NEB: variants seen among roughly 807,000 people sequenced by gnomAD.
NEB encodes the protein nebulin.
In NEB, 512 loss-of-function variants were observed where a neutral mutation model predicts 952.2. The ratio of observed to expected loss-of-function variants is 0.54; its 90% CI spans 0.50 to 0.58. The LOEUF (loss-of-function observed/expected upper bound fraction) is 0.58, where lower values mean the gene tolerates loss of function less well. Among genes scored for constraint, NEB ranks in the 20% least tolerant of loss-of-function variants. NEB has a pLI of 0.00. For missense variants in NEB, 8,428 were observed against 9,231.1 expected, an observed-to-expected ratio of 0.91 and a Z score of 3.56; for synonymous variants, 2,900 against 3,149.8, an observed-to-expected ratio of 0.92 and a Z score of 2.66.
intron 176 of NEB, 52 bp downstream of exon 176, chr2:151,493,301 A>C: frequency 7.3e-7 from 1 of 1,371,756 alleles, no homozygotes; most frequent in South Asian, 1.2e-5. Flanking sequence ...TATGATGTTA[A>C]AATGTTATTT....
Position 151,548,426 on chromosome 2 carries a change from A to G in NEB, c.20050-11T>C. On this transcript the variant is annotated splice_polypyrimidine_tract_variant and intron_variant, in intron 130 of 181. Transcript: ENST00000397345. ...TTCTTTGTACTTGAACTGCAAAAGC[A>G]AAGTCAGAATGAGATCAATGATGGG... The G allele has an allele frequency of 6.4e-7, 1 of 1,564,006 alleles. No homozygotes were observed. The highest frequency in any genetic ancestry group is 8.8e-7 in the Non-Finnish European group (1 of 1,134,550).
At chr2:151,496,727 A>C (rs754862510) in intron 172 of NEB, among the ~76,000 whole-genome samples, 6 of 152,192 alleles carry the variant, frequency 3.9e-5, no homozygotes, top group Non-Finnish European at 8.8e-5. Context: ...TTAAAAAATG[A>C]TTGAAAATAT....
In NEB at chr2:151,614,390, C is replaced by G. The variant is rs1224560958; in HGVS notation, c.11487G>C (p.Lys3829Asn). 6 of 1,613,934 alleles carry G rather than the reference C, an allele frequency of 3.7e-6. No homozygotes were observed. The highest frequency in any genetic ancestry group is 5.1e-6 in the Non-Finnish European group (6 of 1,179,856). ...VDMLGVVLAK[K>N]CQILVSDIDY... ...CTATGTCGCTTACAAGGATCTGACA[C>G]TTCTTGGCCAGCACCACCCCCAGCA... The change falls in exon 77 of 182, where the codon AAG becomes AAC. Residue 3829 changes from lysine (K) to asparagine (N), a missense_variant. Physicochemically the swap from Lys to Asn is moderately conservative, Grantham distance 94. Coordinates refer to ENST00000397345, the MANE Select transcript of NEB (RefSeq NM_001164508.2).
At position 151,609,904 on chromosome 2, in the gene NEB, C is replaced by G; in HGVS notation, c.12235G>C (p.Asp4079His). The change falls in exon 81 of 182, where the codon GAC becomes CAC. Residue 4079 changes from aspartate to histidine, a missense_variant. Physicochemically the swap from Asp to His is moderately conservative, Grantham distance 81 (BLOSUM62 -1). Around this residue, in one of 11 missense-constraint regions of NEB, gnomAD observed 337 missense variants for 297.5 expected, o/e 1.13. Transcript: ENST00000397345. ...LAKKCQTLVT[D>H]IDYRNYLHEW... ...TGCAGGTAATTGCGATAATCAATGTCAGTGACCAAAGTCTGACATTTCTTG... is the reference window on the plus strand; with the variant it reads ...TGCAGGTAATTGCGATAATCAATGTGAGTGACCAAAGTCTGACATTTCTTG... 1 of 1,613,884 alleles carries G rather than the reference C, an allele frequency of 6.2e-7. No homozygotes were observed. The highest frequency in any genetic ancestry group is 2.2e-5 in the East Asian group (1 of 44,876).
At position 151,524,261 on chromosome 2, in the gene NEB, CTT is replaced by C. The variant is rs762289532; in HGVS notation, c.22479+48_22479+49del. ...TGGAAATCACTTCTTCCTGCAAGGTCTTTTATAATCTCCTCACATGAGAGCCA... is the reference window on the plus strand; with the variant it reads ...TGGAAATCACTTCTTCCTGCAAGGTCTTATAATCTCCTCACATGAGAGCCA... On this transcript the variant is annotated intron_variant, in intron 153 of 181. Coordinates refer to ENST00000397345, the MANE Select transcript of NEB (RefSeq NM_001164508.2). 5 of 1,482,068 alleles carry C rather than the reference CTT, an allele frequency of 3.4e-6. No homozygotes were observed. In the Admixed American group the frequency reaches 8.4e-5, roughly 25 times the overall value. The allele number at this position is 1,482,068 out of a possible 1,614,324, so 91.8% of individuals were successfully genotyped here. A position where few individuals can be genotyped will look rare whatever the true frequency, so the allele number is the denominator to read the frequency against.
Position 151,498,242 on chromosome 2 carries a change from CCT to C in NEB, c.24207+16_24207+17del. On this transcript the variant is annotated intron_variant, in intron 170 of 181. Transcript: ENST00000397345. ...TCTGAAGTTAAGTGGCATTTTTTCC[CCT>C]TTCTTTCCAAAATACCGAGCTAAGG... 1 of 1,550,706 alleles carries C rather than the reference CCT, an allele frequency of 6.4e-7. No individual in the cohort carries two copies. Among genetic ancestry groups the C allele is most frequent in the Non-Finnish European group, 8.7e-7 (1 of 1,146,258 alleles).
chr2:151,505,398 G>C, intron 165 of NEB, 80 bp downstream of exon 165: 2 of 1,196,232 alleles, frequency 1.7e-6, no homozygotes, highest in Non-Finnish European at 2.5e-6. Flanking sequence ...TTGATAGGAA[G>C]CAGAAAGATG....
chr2:151,614,842 T>C (rs1364554338), intron 76 of NEB, among the ~76,000 whole-genome samples: 1 of 152,146 alleles, frequency 6.6e-6, no homozygotes, highest in African/African-American at 2.4e-5. Context: ...TTTTCCTCCT[T>C]ATTATACCAC....
At chr2:151,733,883 G>A (rs1282814615) in intron 1 of NEB, 88 bp from the exon 2 acceptor site, 3 of 152,284 alleles carry the variant, frequency 2.0e-5, no homozygotes, top group African/African-American at 4.8e-5. Context: ...AGAAAACAGC[G>A]AAAGGATCTC....
intron 24 of NEB, chr2:151,689,480 C>T: frequency 6.6e-6 from 1 of 152,286 alleles, no homozygotes; most frequent in South Asian, 2.1e-4. Context: ...GCTGGGATCA[C>T]AGGCATGAGC....
intron 1 of NEB, 116 bp downstream of exon 1, chr2:151,734,282 A>G (rs2099816214): frequency 6.6e-6 from 1 of 152,228 alleles, no homozygotes; most frequent in Non-Finnish European, 1.5e-5. Flanking sequence ...TCTCCTAGCC[A>G]TATTTCTACC....
In NEB at chr2:151,502,836, G is replaced by A. The variant is rs2153103150; in HGVS notation, c.23885C>T (p.Pro7962Leu). The change falls in exon 167 of 182, where the codon CCA (proline) becomes CTA (leucine). Residue 7962 changes from proline (P) to leucine (L), a missense_variant. Transcript: ENST00000397345. Reference sequence around the variant, plus strand: ...ATTGCGTTTGACTCTCTCCATCTCTGGAGTGATAGGTGTTGGGATTCCTTT... The same window carrying A: ...ATTGCGTTTGACTCTCTCCATCTCTAGAGTGATAGGTGTTGGGATTCCTTT... Reference protein sequence around the residue: ...LGKGIPTPITPEMERVKRNQE... With the variant: ...LGKGIPTPITLEMERVKRNQE... The A allele has an allele frequency of 1.2e-6, 2 of 1,608,262 alleles. No individual in the cohort carries two copies. The highest frequency in any genetic ancestry group is 2.2e-5 in the East Asian group (1 of 44,746).
In NEB at chr2:151,655,921, T is replaced by C. The variant is rs1553462412; in HGVS notation, c.6598A>G (p.Ser2200Gly). 2 of 1,613,862 alleles carry C rather than the reference T, an allele frequency of 1.2e-6. No homozygotes were observed. Among genetic ancestry groups the C allele is most frequent in the Non-Finnish European group, 1.7e-6 (2 of 1,179,808 alleles). The change falls in exon 50 of 182, where the codon AGT becomes GGT. Residue 2200 changes from serine (S) to glycine (G), a missense_variant. Around this residue, in one of 11 missense-constraint regions of NEB, gnomAD observed 2,851 missense variants for 2,791.5 expected, o/e 1.02. Transcript: ENST00000397345. ...GGGTGCTGGCGGTATTTCTGATCACTGGCATATTCAGTTGCTTTCTTGGCC... is the reference window on the plus strand; with the variant it reads ...GGGTGCTGGCGGTATTTCTGATCACCGGCATATTCAGTTGCTTTCTTGGCC... ...EKAKKATEYA[S>G]DQKYRQHPSN...
intron 112 of NEB, 34 bp from the exon 113 acceptor site, chr2:151,568,212 G>T: frequency 1.2e-6 from 2 of 1,600,044 alleles, no homozygotes; most frequent in East Asian, 2.2e-5. Flanking sequence ...GGGTTAAAAT[G>T]AGGAGTCAGA....
chr2:151,495,662 T>TAA (rs1392841000), intron 173 of NEB, among the ~76,000 whole-genome samples: 1 of 151,392 alleles, frequency 6.6e-6, no homozygotes, highest in African/African-American at 2.4e-5. Context: ...ACAGTAAAAC[T>TAA]AAAGAACAAC....
intron 17 of NEB, among the ~76,000 whole-genome samples, chr2:151,696,353 C>G (rs145437130): frequency 7.2e-5 from 11 of 152,326 alleles, no homozygotes; most frequent in African/African-American, 2.6e-4. Flanking sequence ...ACCCAGACAT[C>G]AATGACAGAG....
At position 151,568,407 on chromosome 2, in the gene NEB, C is replaced by G. The variant is rs558345996; in HGVS notation, c.17645G>C (p.Arg5882Pro). ...TGATTTGGTGGCATTCCAGTCTTTCCGGTATTTAATCTAAAAAAAAAAAAA... is the reference window on the plus strand; with the variant it reads ...TGATTTGGTGGCATTCCAGTCTTTCGGGTATTTAATCTAAAAAAAAAAAAA... ...SGEILDDIKY[R>P]KDWNATKSKY... Residue 5882 changes from arginine to proline, a missense_variant, in exon 112 of 182, where the codon CGG (arginine) becomes CCG (proline). Transcript: ENST00000397345. 10 of 1,577,996 alleles carry G rather than the reference C, an allele frequency of 6.3e-6. No individual in the cohort carries two copies. The highest frequency in any genetic ancestry group is 7.7e-6 in the Non-Finnish European group (9 of 1,166,250).
intron 27 of NEB, among the ~76,000 whole-genome samples, chr2:151,685,730 A>G (rs578229327): frequency 8.5e-5 from 13 of 152,298 alleles, no homozygotes; most frequent in African/African-American, 2.6e-4. Flanking sequence ...GTTGGGTCAA[A>G]TTCCCAGCTT....
At position 151,498,397 on chromosome 2, in the gene NEB, G is replaced by A. The variant is rs1002989264; in HGVS notation, c.24115-45C>T. ...CCAGAACAAAAAAAGCAATCAATCAGTCATTTTCCCCCTGCTTTGGAGCAG... is the reference window on the plus strand; with the variant it reads ...CCAGAACAAAAAAAGCAATCAATCAATCATTTTCCCCCTGCTTTGGAGCAG... On this transcript the variant is annotated intron_variant, in intron 169 of 181. Coordinates refer to ENST00000397345, the MANE Select transcript of NEB (RefSeq NM_001164508.2). 4 of 1,393,714 alleles carry A rather than the reference G, an allele frequency of 2.9e-6. No individual in the cohort carries two copies. In the African/African-American group the frequency reaches 5.8e-5, roughly 20 times the overall value. 86.3% of individuals were successfully genotyped at this position (1,393,714 alleles called of 1,614,324 possible).
Sources: allele counts gnomAD v4.1 joint callset (sites outside exome capture counted in the v4.1 genomes callset), GRCh38; gene constraint gnomAD v4.1.1; regional missense constraint gnomAD v4.1.1; transcripts MANE v1.5; gene names NCBI Gene and HGNC (gene_info 2026-07-23, HGNC 2026-07-21).